EXPH5: variants seen among roughly 807,000 people sequenced by gnomAD.
EXPH5 encodes the protein exophilin 5.
A neutral mutation model predicts 41.1 loss-of-function variants in EXPH5; 42 were observed. The observed-to-expected ratio is 1.02, with a 90% CI of 0.80 to 1.32. EXPH5 has a LOEUF of 1.32. EXPH5 is among the 40% of genes most tolerant of loss of function. EXPH5 has a pLI of 0.00. For synonymous variants in EXPH5, 798 were observed against 833.5 expected (o/e 0.96, Z 0.73); for missense variants, 2,298 against 2,314.5 (o/e 0.99, Z 0.15).
Position 108,541,806 on chromosome 11 carries a change from A to T in EXPH5, c.126T>A (p.Leu42=), listed in dbSNP as rs367556701. The T allele has an allele frequency of 1.3e-3, 2,044 of 1,587,376 alleles. 43 individuals carry two copies. The South Asian group carries it at 0.022, about 17-fold the overall frequency. ...ATCTGATATCCCTCTTTGTCTTCTG[A>T]AGTTTGCTGAAATAAAATAAAACAT... is the stretch of plus-strand genomic sequence containing the variant. ...QRAEKDRISK[L]QKTKRDIRWL... Residue 42 remains leucine, a synonymous_variant, in exon 2 of 6, where the codon CTT becomes CTA. Coordinates refer to ENST00000265843, the MANE Select transcript of EXPH5 (RefSeq NM_015065.3).
chr11:108,537,751 T>C (rs2093888309), intron 3 of EXPH5, among the ~76,000 whole-genome samples: 1 of 152,244 alleles, frequency 6.6e-6, no homozygotes, highest in African/African-American at 2.4e-5. Flanking sequence ...AGTTTACTGA[T>C]ATTAGATGGT....
rs144230015 is a variant in EXPH5 at position 108,561,887 on chromosome 11, C to T, written c.120-20075G>A. Among the ~76,000 whole-genome samples, 5 of 152,268 alleles carry T rather than the reference C, an allele frequency of 3.3e-5. No homozygotes were observed. In the East Asian group the frequency reaches 9.6e-4, roughly 29 times the overall value. ...CTTGCAAGAAGAAAATCAGCCCTGG[C>T]AATGGAAGTGAGTAGGGAGAAGCAG... On this transcript the variant is annotated intron_variant, in intron 1 of 5. Transcript: ENST00000265843.
At chr11:108,561,715 A>T (rs7483002) in intron 1 of EXPH5, among the ~76,000 whole-genome samples, 1 of 152,220 alleles carries the variant, frequency 6.6e-6, no homozygotes, top group Non-Finnish European at 1.5e-5. Context: ...TCCTCTTGGC[A>T]TGTCTTAAAA....
the EXPH5 span, among the ~76,000 whole-genome samples, chr11:108,606,938 G>A: frequency 2.6e-5 from 4 of 151,956 alleles, no homozygotes; most frequent in African/African-American, 2.4e-5. Context: ...TACAAAGATC[G>A]TAAATGATGG....
At chr11:108,574,783 T>C (rs2094074430) in intron 1 of EXPH5, among the ~76,000 whole-genome samples, 2 of 152,224 alleles carry the variant, frequency 1.3e-5, no homozygotes, top group African/African-American at 4.8e-5. Flanking sequence ...CTCGAAGGCA[T>C]CACAGAAGGC....
At chr11:108,551,242 G>A (rs1430592800) in intron 1 of EXPH5, among the ~76,000 whole-genome samples, 1 of 152,134 alleles carries the variant, frequency 6.6e-6, no homozygotes, top group Admixed American at 6.5e-5. Context: ...TTGTCTGTGG[G>A]TATTATTAAC....
chr11:108,532,175 T>C (rs1310708540), intron 3 of EXPH5, among the ~76,000 whole-genome samples: 2 of 146,792 alleles, frequency 1.4e-5, no homozygotes, highest in Non-Finnish European at 3.0e-5. Flanking sequence ...CCTTCTGCCA[T>C]AGAGAATTTT....
chr11:108,554,800 T>C (rs1011441321), intron 1 of EXPH5, among the ~76,000 whole-genome samples: 6 of 152,176 alleles, frequency 3.9e-5, no homozygotes, highest in Non-Finnish European at 8.8e-5. Context: ...GGCGCACTCC[T>C]GTAGTCCCAG....
At chr11:108,591,638 C>T (rs1238198646) in intron 1 of EXPH5, among the ~76,000 whole-genome samples, 1 of 152,162 alleles carries the variant, frequency 6.6e-6, no homozygotes, top group Non-Finnish European at 1.5e-5. Flanking sequence ...GTTGATGCTT[C>T]CATTAGAATA....
chr11:108,509,704 A>G lies in EXPH5; in HGVS notation c.5803T>C (p.Ser1935Pro). ...CTACTGGGAGAATTTGAGCTTAATG[A>G]CTCTGAGGGGTTGGGAGGGTTCCTC... ...DLRNPPNPSE[S>P]LSSNSPSSQV... Residue 1935 changes from serine to proline, a missense_variant, in exon 6 of 6, where the codon TCA becomes CCA. Ser to Pro is a moderately conservative substitution (Grantham distance 74). Transcript: ENST00000265843. 3 of 1,612,312 alleles carry G rather than the reference A, an allele frequency of 1.9e-6. No homozygotes were observed. The highest frequency in any genetic ancestry group is 4.5e-5 in the East Asian group (2 of 44,860).
intron 1 of EXPH5, among the ~76,000 whole-genome samples, chr11:108,562,732 G>A (rs1419204607): frequency 6.6e-6 from 1 of 152,214 alleles, no homozygotes; most frequent in East Asian, 1.9e-4. Flanking sequence ...GGAGGCCGAG[G>A]CAGGAGGATC....
chr11:108,511,567 G>C lies in EXPH5; in HGVS notation c.3940C>G (p.Leu1314Val). 2.5e-6 allele frequency: 4 copies of C among 1,613,248 alleles called. No homozygotes were observed. The highest frequency in any genetic ancestry group is 3.4e-6 in the Non-Finnish European group (4 of 1,179,754). Reference sequence around the variant, plus strand: ...TGATCAGAGTTGACGGACATCTTTAGATTTTCACATGAAGGTGTTCCTGAC... The same window carrying C: ...TGATCAGAGTTGACGGACATCTTTACATTTTCACATGAAGGTGTTCCTGAC... ...EQSGTPSCEN[L>V]KMSVNSDQTL... is the part of the protein sequence containing the mutation. Residue 1314 changes from leucine to valine, a missense_variant, in exon 6 of 6, where the codon CTA becomes GTA. Coordinates refer to ENST00000265843, the MANE Select transcript of EXPH5 (RefSeq NM_015065.3).
At chr11:108,550,570 G>A (rs1190174012) in intron 1 of EXPH5, among the ~76,000 whole-genome samples, 1 of 152,152 alleles carries the variant, frequency 6.6e-6, no homozygotes, top group Non-Finnish European at 1.5e-5. Context: ...TTTGAGGCCA[G>A]GAGTTCGAGA....
At chr11:108,597,378 A>G (rs1383248547), upstream of EXPH5, among the ~76,000 whole-genome samples, 2 of 152,054 alleles carry the variant, frequency 1.3e-5, no homozygotes, top group African/African-American at 4.8e-5. Flanking sequence ...TTGTATTTTT[A>G]TTAAAGAAGG....
At position 108,593,623 on chromosome 11, in the gene EXPH5, C is replaced by T; in HGVS notation, c.-87G>A. The T allele has an allele frequency of 6.2e-7, 1 of 1,605,792 alleles. No individual in the cohort carries two copies. The highest frequency in any genetic ancestry group is 8.5e-7 in the Non-Finnish European group (1 of 1,175,596). ...TTCAACCTGTACAAGACCAGTTTCA[C>T]GAACTTGATCCCACAGCCAATAATA... On this transcript the variant is annotated 5_prime_UTR_variant, in exon 1 of 6. The change creates a new upstream start codon in the 5' untranslated region. Transcript: ENST00000265843.
chr11:108,519,640 C>T (rs1465825720), intron 4 of EXPH5, among the ~76,000 whole-genome samples: 1 of 151,860 alleles, frequency 6.6e-6, no homozygotes, highest in Non-Finnish European at 1.5e-5. Context: ...CCCAGCTACT[C>T]CAGAGGCTGG....
At chr11:108,557,625 G>A (rs928553164) in intron 1 of EXPH5, among the ~76,000 whole-genome samples, 1 of 152,140 alleles carries the variant, frequency 6.6e-6, no homozygotes, top group Non-Finnish European at 1.5e-5. Flanking sequence ...TGGGATTACA[G>A]GCACGAGCCA....
At chr11:108,573,281 C>T (rs1330506691) in intron 1 of EXPH5, among the ~76,000 whole-genome samples, 1 of 152,144 alleles carries the variant, frequency 6.6e-6, no homozygotes, top group Non-Finnish European at 1.5e-5. Context: ...AAGGAGTCTA[C>T]CACCCTACCA....
At chr11:108,581,759 T>C (rs576003009) in intron 1 of EXPH5, among the ~76,000 whole-genome samples, 60 of 151,754 alleles carry the variant, frequency 4.0e-4, no homozygotes, top group African/African-American at 1.4e-3. Context: ...TTAACACGAC[T>C]AAAAAGGAAA....
Sources: gnomAD v4.1 joint callset for allele counts (sites outside exome capture counted in the v4.1 genomes callset) on GRCh38, gnomAD v4.1.1 for gene constraint, MANE v1.5 for transcripts, NCBI Gene and HGNC (gene_info 2026-07-23, HGNC 2026-07-21) for gene names.